Variants in MICAL1 observed in about 807,000 individuals in gnomAD.
MICAL1 encodes microtubule associated monooxygenase, calponin and LIM domain containing 1, also known as [F-actin]-monooxygenase MICAL1.
Under a neutral mutation model 131.8 loss-of-function variants are expected in MICAL1, and 95 were observed. The observed-to-expected ratio is 0.72, with a 90% CI of 0.61 to 0.86. MICAL1 has a LOEUF of 0.86. Ranked by LOEUF, MICAL1 falls within the 40% of genes least tolerant of loss-of-function variation. The probability of loss-of-function intolerance (pLI) is 0.00; values close to 1 mark genes in which losing one functional copy is unlikely to be tolerated. For synonymous variants in MICAL1, 546 were observed against 554.2 expected (o/e 0.99, Z 0.21); for missense variants, 1,292 against 1,380.6 (o/e 0.94, Z 1.02).
chr6:109,448,821 G>C lies in MICAL1; in HGVS notation c.1575C>G (p.Tyr525Ter), dbSNP rs1775373568. The change falls in exon 12 of 25, where the codon TAC becomes TAG. Residue 525 changes from tyrosine (Y) to a stop codon, truncating the protein, a stop_gained. Transcript: ENST00000358807. LOFTEE classifies it high-confidence loss of function. ...LRWCQEQTAG[Y>*]PGVHVSDLSS... The stretch of plus-strand genomic sequence containing the variant: ...ACAAATCGGAGACGTGGACTCCCGG[G>C]TACCCAGCTGTCTGCTCCTGGCACC... 1 of 1,614,058 alleles carries C rather than the reference G, an allele frequency of 6.2e-7. No homozygotes were observed. Among genetic ancestry groups the C allele is most frequent in the Non-Finnish European group, 8.5e-7 (1 of 1,179,998 alleles).
rs145926073 is a variant in MICAL1, at chr6:109,444,224, G to A, written c.3171C>T (p.Ser1057=). ...GGGCCCCTGTCCCCAAGGCCAGCTC[G>A]CTGAGCCTGCGCTCCTCCTGGAAGC... ...LIRFQEERRL[S]ELALGTGAQG is the part of the protein sequence containing the mutation. The change falls in exon 25 of 25, where the codon AGC becomes AGT. Residue 1057 remains serine (S), a synonymous_variant. Transcript: ENST00000358807. 8.7e-6 allele frequency: 14 copies of A among 1,613,516 alleles called. No homozygotes were observed. The East Asian group carries it at 1.3e-4, about 15-fold the overall frequency.
At chr6:109,449,031 C>T in intron 11 of MICAL1, 152 bp from the exon 12 acceptor site, 1 of 963,274 alleles carries the variant, frequency 1.0e-6, no homozygotes, top group Admixed American at 2.8e-5. Context: ...CTATCAGCAG[C>T]TCTCCATCCC....
intron 6 of MICAL1, 132 bp downstream of exon 6, chr6:109,452,111 TCTC>T: frequency 6.9e-7 from 1 of 1,450,614 alleles, no homozygotes; most frequent in Non-Finnish European, 9.0e-7. Flanking sequence ...ACAGGTTCCT[TCTC>T]CTTTGCTGCT....
intron 14 of MICAL1, 59 bp downstream of exon 14, chr6:109,447,816 C>T (rs1775304149): frequency 6.2e-7 from 1 of 1,610,942 alleles, no homozygotes; most frequent in African/African-American, 1.3e-5. Flanking sequence ...AGGATCTCCA[C>T]TGGGTACCCC....
intron 1 of MICAL1, among the ~76,000 whole-genome samples, chr6:109,460,991 G>T (rs1437378824): frequency 1.3e-5 from 2 of 152,030 alleles, no homozygotes; most frequent in African/African-American, 4.8e-5. Flanking sequence ...TTAAGTTCTA[G>T]GGTACATGTG....
At chr6:109,464,390 T>C (rs985626221) in intron 1 of MICAL1, 1 of 152,194 alleles carries the variant, frequency 6.6e-6, no homozygotes, top group Admixed American at 6.5e-5. Flanking sequence ...AACAAAACAA[T>C]TGATGGAAAG....
upstream of MICAL1, among the ~76,000 whole-genome samples, chr6:109,458,762 C>T (rs1163118526): frequency 6.6e-6 from 1 of 152,132 alleles, no homozygotes; most frequent in East Asian, 1.9e-4. Flanking sequence ...AAACTGGGTC[C>T]CTAGTACTGT....
At chr6:109,453,461 G>A in intron 3 of MICAL1, 94 bp from the exon 4 acceptor site, 1 of 1,519,326 alleles carries the variant, frequency 6.6e-7, no homozygotes, top group African/African-American at 1.4e-5. Context: ...ACTGGAAAAG[G>A]CCTTAGCAAT....
At chr6:109,446,519 G>T in intron 18 of MICAL1, 107 bp from the exon 19 acceptor site, 1 of 1,468,788 alleles carries the variant, frequency 6.8e-7, no homozygotes, top group Non-Finnish European at 9.4e-7. Flanking sequence ...AACAGTGTCT[G>T]GCTGTGTTTT....
rs1382446456 is a variant in MICAL1, at chr6:109,450,327, C to T, written c.1164G>A (p.Leu388=). The T allele has an allele frequency of 6.2e-7, 1 of 1,609,564 alleles. No individual in the cohort carries two copies. Among genetic ancestry groups the T allele is most frequent in the Non-Finnish European group, 8.5e-7 (1 of 1,176,804 alleles). Residue 388 remains leucine, a synonymous_variant, in exon 8 of 25, where the codon CTG becomes CTA. Coordinates refer to ENST00000358807, the MANE Select transcript of MICAL1 (RefSeq NM_022765.4). ...VQEKHGARLL[L]GLVGDCLVEP... ...CCACCAGGCAGTCCCCCACCAGTCC[C>T]AGCAGCAGGCGGGCGCCATGCTTCT...
At chr6:109,457,941 C>T (rs1312146382), upstream of MICAL1, among the ~76,000 whole-genome samples, 1 of 152,190 alleles carries the variant, frequency 6.6e-6, no homozygotes, top group African/African-American at 2.4e-5. Flanking sequence ...TTGCTTCACG[C>T]TAGCCTAGTG....
At chr6:109,445,031 G>T (rs369063489) in intron 22 of MICAL1, 36 bp from the exon 23 acceptor site, 3 of 1,606,156 alleles carry the variant, frequency 1.9e-6, no homozygotes, top group Non-Finnish European at 2.6e-6. Flanking sequence ...TGATCAGGAG[G>T]CTTCCAGCCA....
At chr6:109,447,802 C>A in intron 14 of MICAL1, 73 bp downstream of exon 14, 1 of 1,611,428 alleles carries the variant, frequency 6.2e-7, no homozygotes, top group Non-Finnish European at 8.5e-7. Context: ...CTCACCATCA[C>A]CCCAGGATCT....
At position 109,447,883 on chromosome 6, in the gene MICAL1, G is replaced by C; in HGVS notation, c.1936C>G (p.Arg646Gly). Residue 646 changes from arginine (R) to glycine (G), a missense_variant, in exon 14 of 25, where the codon CGG becomes GGG. Coordinates refer to ENST00000358807, the MANE Select transcript of MICAL1 (RefSeq NM_022765.4). ...CTGCCTAAACTCTCCACCTTGGCCCGGGATCGCTGCAGGGTCCTCTGAAGT... is the reference window on the plus strand; with the variant it reads ...CTGCCTAAACTCTCCACCTTGGCCCCGGATCGCTGCAGGGTCCTCTGAAGT... ...SKLQRTLQRSRAKENAEDAGG... is the reference protein window; with the variant it reads ...SKLQRTLQRSGAKENAEDAGG... The C allele has an allele frequency of 1.2e-6, 2 of 1,613,216 alleles. No individual in the cohort carries two copies. Among genetic ancestry groups the C allele is most frequent in the Non-Finnish European group, 1.7e-6 (2 of 1,179,576 alleles).
chr6:109,458,855 C>T (rs762768062), upstream of MICAL1, among the ~76,000 whole-genome samples: 6 of 152,184 alleles, frequency 3.9e-5, no homozygotes, highest in African/African-American at 7.2e-5. Context: ...GGTCCTGGGC[C>T]GGGAAGCTGT....
chr6:109,453,126 C>G, intron 4 of MICAL1, 137 bp downstream of exon 4: 1 of 675,332 alleles, frequency 1.5e-6, no homozygotes. Context: ...TGCCACTGCA[C>G]TCCAGCCTGG....
chr6:109,449,824 G>A, intron 9 of MICAL1, 41 bp from the exon 10 acceptor site: 2 of 1,591,034 alleles, frequency 1.3e-6, no homozygotes, highest in Non-Finnish European at 8.6e-7. Flanking sequence ...TGAATGGGAG[G>A]GCACCTGTCA....
chr6:109,447,771 C>G (rs1164850773), intron 14 of MICAL1, 49 bp from the exon 15 acceptor site: 4 of 1,613,548 alleles, frequency 2.5e-6, no homozygotes, highest in Non-Finnish European at 3.4e-6. Flanking sequence ...AGGTCCCAGT[C>G]CTCCCCACTT....
chr6:109,452,694 C>A (rs967481859), intron 4 of MICAL1, 79 bp from the exon 5 acceptor site: 17 of 1,050,316 alleles, frequency 1.6e-5, no homozygotes, highest in Non-Finnish European at 2.2e-5. Flanking sequence ...CCAGTGAAAT[C>A]ATCAAAACGT....
Sources: gnomAD v4.1 joint callset for allele counts (sites outside exome capture counted in the v4.1 genomes callset) on GRCh38, gnomAD v4.1.1 for gene constraint, MANE v1.5 for transcripts, NCBI Gene and HGNC (gene_info 2026-07-23, HGNC 2026-07-21) for gene names.